Variants in ADCY5 observed in about 807,000 individuals in gnomAD.
ADCY5 encodes the protein adenylate cyclase 5.
Under a neutral mutation model 119.7 loss-of-function variants are expected in ADCY5, and 30 were observed. The observed-to-expected ratio is 0.25, with a 90% CI of 0.19 to 0.34. The LOEUF (loss-of-function observed/expected upper bound fraction) is 0.34. Ranked by LOEUF, ADCY5 falls within the 10% of genes least tolerant of loss-of-function variation. The pLI is 1.00. For synonymous variants in ADCY5, 753 were observed against 762.2 expected, an observed-to-expected ratio of 0.99 and a Z score of 0.20; for missense variants, 1,324 against 1,775.2, an observed-to-expected ratio of 0.75 and a Z score of 4.57.
chr3:123,316,058 T>C (rs1940898341), intron 11 of ADCY5, among the ~76,000 whole-genome samples: 1 of 152,146 alleles, frequency 6.6e-6, no homozygotes, highest in South Asian at 2.1e-4. Context: ...CAGATACAAA[T>C]GTAAGGGGGA....
intron 11 of ADCY5, 23 bp from the exon 12 acceptor site, chr3:123,314,345 G>A (rs1162335600): frequency 6.3e-7 from 1 of 1,580,826 alleles, no homozygotes; most frequent in Admixed American, 1.7e-5. Flanking sequence ...AGGAGGGGAG[G>A]GAGAAGCCAG....
intron 1 of ADCY5, among the ~76,000 whole-genome samples, chr3:123,359,187 G>A (rs958275516): frequency 4.0e-5 from 6 of 151,808 alleles, no homozygotes; most frequent in East Asian, 1.9e-4. Context: ...TGGCTGTGGT[G>A]GGAATCAGAA....
intron 2 of ADCY5, among the ~76,000 whole-genome samples, chr3:123,349,028 A>G (rs1238254067): frequency 1.3e-5 from 2 of 152,118 alleles, no homozygotes; most frequent in East Asian, 3.9e-4. Flanking sequence ...GCACTCTGGG[A>G]GTAAGTCCAT....
chr3:123,297,263 AAGGCCC>A, intron 16 of ADCY5, 84 bp downstream of exon 16: 1 of 1,541,286 alleles, frequency 6.5e-7, no homozygotes, highest in Non-Finnish European at 8.9e-7. Flanking sequence ...CCTTGCCACC[AAGGCCC>A]CTCCCACCTG....
At chr3:123,355,119 G>C (rs1942991012) in intron 1 of ADCY5, among the ~76,000 whole-genome samples, 1 of 152,052 alleles carries the variant, frequency 6.6e-6, no homozygotes, top group African/African-American at 2.4e-5. Flanking sequence ...AATCAGACAA[G>C]AGAAAGAAAC....
At chr3:123,445,378 C>T (rs1945796240) in intron 1 of ADCY5, among the ~76,000 whole-genome samples, 1 of 136,906 alleles carries the variant, frequency 7.3e-6, no homozygotes, top group South Asian at 2.4e-4. Context: ...TGGGATCTGA[C>T]TCCAACCCCC....
At chr3:123,390,704 G>A (rs1188384582) in intron 1 of ADCY5, among the ~76,000 whole-genome samples, 2 of 152,224 alleles carry the variant, frequency 1.3e-5, no homozygotes, top group African/African-American at 4.8e-5. Flanking sequence ...TAATCCCATG[G>A]TGATCCTGGG....
At chr3:123,394,621 G>T (rs758032951) in intron 1 of ADCY5, among the ~76,000 whole-genome samples, 17 of 152,220 alleles carry the variant, frequency 1.1e-4, no homozygotes, top group Non-Finnish European at 1.8e-4. Context: ...GAGCCACTTT[G>T]GCAGGCACTG....
chr3:123,439,076 CT>C (rs57503913), intron 1 of ADCY5, among the ~76,000 whole-genome samples: 1 of 64,728 alleles, frequency 1.5e-5, no homozygotes, highest in African/African-American at 6.5e-5. Context: ...CCCTAAAGTG[CT>C]TTTTTTTTTG....
intron 1 of ADCY5, among the ~76,000 whole-genome samples, chr3:123,363,256 G>T (rs549258849): frequency 6.8e-6 from 1 of 146,894 alleles, no homozygotes; most frequent in African/African-American, 2.5e-5. Flanking sequence ...GATATCAAAA[G>T]ATGTTAACCC....
intron 12 of ADCY5, among the ~76,000 whole-genome samples, chr3:123,310,302 A>C (rs1183731713): frequency 6.6e-6 from 1 of 152,088 alleles, no homozygotes; most frequent in East Asian, 1.9e-4. Context: ...CGGTGGCGGC[A>C]AAAGTACCAG....
Position 123,317,392 on chromosome 3 carries a change from A to G in ADCY5, c.2354+628T>C, listed in dbSNP as rs373459591. On this transcript the variant is annotated intron_variant, in intron 11 of 20. Transcript: ENST00000462833. ...CCCAGGGAATACTTTGGGTGACTCAATTGTCAGTGATGGGGTGGGTTAATG... is the reference window on the plus strand; with the variant it reads ...CCCAGGGAATACTTTGGGTGACTCAGTTGTCAGTGATGGGGTGGGTTAATG... Among the ~76,000 whole-genome samples the G allele has an allele frequency of 1.4e-4, 21 of 151,932 alleles. No homozygotes were observed. In the East Asian group the frequency reaches 2.7e-3, roughly 20 times the overall value.
chr3:123,427,238 C>G (rs556873074), intron 1 of ADCY5, among the ~76,000 whole-genome samples: 13 of 152,316 alleles, frequency 8.5e-5, no homozygotes, highest in African/African-American at 3.1e-4. Flanking sequence ...CTGTAGACCA[C>G]CTCCATGCCC....
In ADCY5 at chr3:123,447,761, G is replaced by A; in HGVS notation, c.785C>T (p.Ala262Val). Residue 262 changes from alanine (A) to valine (V), a missense_variant, in exon 1 of 21, where the codon GCG becomes GTG. Transcript: ENST00000462833. ...VCLVMLAFHA[A>V]RPPLQLPYLA... Reference sequence around the variant, plus strand: ...GTAGGGCAGCTGGAGCGGGGGCCGCGCCGCGTGGAAGGCCAACATGACCAG... The same window carrying A: ...GTAGGGCAGCTGGAGCGGGGGCCGCACCGCGTGGAAGGCCAACATGACCAG... 6.2e-7 allele frequency: 1 copy of A among 1,607,150 alleles called. No individual in the cohort carries two copies. The highest frequency in any genetic ancestry group is 1.3e-5 in the African/African-American group (1 of 74,866).
chr3:123,323,556 C>T (rs936152818), intron 8 of ADCY5, among the ~76,000 whole-genome samples: 77 of 152,122 alleles, frequency 5.1e-4, no homozygotes, highest in Admixed American at 4.9e-3. Context: ...GCCCTACTCC[C>T]CAGCTTCCCC....
chr3:123,326,537 C>T lies in ADCY5; in HGVS notation c.1948-1075G>A, dbSNP rs572552816. On this transcript the variant is annotated intron_variant, in intron 7 of 20. Coordinates refer to ENST00000462833, the MANE Select transcript of ADCY5 (RefSeq NM_183357.3). ...ACTCAGGGTCTAGGGCAGGAAGCTGCGGGAGGCCTTGTGACCCAGGCACTG... is the reference window on the plus strand; with the variant it reads ...ACTCAGGGTCTAGGGCAGGAAGCTGTGGGAGGCCTTGTGACCCAGGCACTG... Among the ~76,000 whole-genome samples, 12 of 152,334 alleles carry T rather than the reference C, an allele frequency of 7.9e-5. No individual in the cohort carries two copies. The South Asian group carries it at 1.2e-3, about 16-fold the overall frequency.
chr3:123,305,715 GC>G (rs1156460317), intron 12 of ADCY5, among the ~76,000 whole-genome samples: 1 of 152,194 alleles, frequency 6.6e-6, no homozygotes, highest in Non-Finnish European at 1.5e-5. Flanking sequence ...AAAAAGTCAG[GC>G]CCCTGCTCAC....
intron 2 of ADCY5, among the ~76,000 whole-genome samples, chr3:123,349,349 C>T (rs1004899889): frequency 6.6e-6 from 1 of 152,212 alleles, no homozygotes; most frequent in Non-Finnish European, 1.5e-5. Context: ...AGGACCTGTC[C>T]AGCACTGACG....
chr3:123,430,857 C>T (rs547910281), intron 1 of ADCY5, among the ~76,000 whole-genome samples: 4 of 152,178 alleles, frequency 2.6e-5, no homozygotes, highest in East Asian at 1.9e-4. Context: ...TCCCAGAGCC[C>T]GGACCTGCAG....
Sources: allele counts gnomAD v4.1 joint callset (sites outside exome capture counted in the v4.1 genomes callset), GRCh38; gene constraint gnomAD v4.1.1; transcripts MANE v1.5; gene names NCBI Gene and HGNC (gene_info 2026-07-23, HGNC 2026-07-21).